ZPBP: variants seen among roughly 807,000 people sequenced by gnomAD.
ZPBP encodes zona pellucida binding protein, also known as zona pellucida-binding protein 1.
In ZPBP, 26 loss-of-function variants were observed where a neutral mutation model predicts 44.8. The observed-to-expected ratio is 0.58, with a 90% CI of 0.43 to 0.81. The LOEUF (loss-of-function observed/expected upper bound fraction) is 0.81. ZPBP is among the 30% of genes least tolerant of loss of function. The pLI is 0.00. For missense variants in ZPBP, 409 were observed against 434.0 expected, an observed-to-expected ratio of 0.94 and a Z score of 0.51; for synonymous variants, 174 against 153.2, an observed-to-expected ratio of 1.14 and a Z score of -1.00.
intron 7 of ZPBP, among the ~76,000 whole-genome samples, chr7:49,950,015 A>G (rs1795268713): frequency 6.6e-6 from 1 of 151,908 alleles, no homozygotes; most frequent in Non-Finnish European, 1.5e-5. Context: ...TTAGATAAAG[A>G]CCTTTAAGAA....
At chr7:49,957,574 GGT>G (rs1372946649) in intron 7 of ZPBP, among the ~76,000 whole-genome samples, 1 of 152,308 alleles carries the variant, frequency 6.6e-6, no homozygotes, top group East Asian at 1.9e-4. Flanking sequence ...AACAAATCTT[GGT>G]GGTGTCCAAG....
intron 1 of ZPBP, among the ~76,000 whole-genome samples, chr7:49,925,447 CA>C (rs1455575944): frequency 6.6e-6 from 1 of 152,160 alleles, no homozygotes; most frequent in African/African-American, 2.4e-5. Flanking sequence ...CCTGGGAAAG[CA>C]GGTGTCCATG....
intron 7 of ZPBP, among the ~76,000 whole-genome samples, chr7:49,980,297 A>T (rs1215799613): frequency 4.5e-4 from 14 of 30,824 alleles, no homozygotes; most frequent in East Asian, 3.0e-3. Flanking sequence ...ATAAATATAT[A>T]ATATATATAA....
chr7:49,863,537 T>A (rs1790752701), intron 2 of ZPBP, among the ~76,000 whole-genome samples: 1 of 152,136 alleles, frequency 6.6e-6, no homozygotes, highest in African/African-American at 2.4e-5. Context: ...GCTCAAGCGA[T>A]CCTCCTGCCT....
intron 7 of ZPBP, among the ~76,000 whole-genome samples, chr7:49,957,160 A>G (rs771084723): frequency 2.0e-5 from 3 of 152,142 alleles, no homozygotes; most frequent in Non-Finnish European, 4.4e-5. Context: ...GAAGGCCCTC[A>G]CCAGATGTCA....
At chr7:49,888,163 T>C (rs764416249) in intron 2 of ZPBP, among the ~76,000 whole-genome samples, 2 of 152,188 alleles carry the variant, frequency 1.3e-5, no homozygotes, top group Non-Finnish European at 2.9e-5. Context: ...TGGCAATTAT[T>C]TTTTTCTGGA....
intron 7 of ZPBP, among the ~76,000 whole-genome samples, chr7:49,966,673 G>A (rs1258280616): frequency 6.6e-6 from 1 of 152,130 alleles, no homozygotes; most frequent in Non-Finnish European, 1.5e-5. Context: ...TGAATGTTGT[G>A]AGGTCCAACG....
chr7:49,980,000 A>G (rs930220233), intron 7 of ZPBP, among the ~76,000 whole-genome samples: 1 of 96,828 alleles, frequency 1.0e-5, no homozygotes, highest in Non-Finnish European at 1.8e-5. Context: ...TTTATATTAT[A>G]TATTATATAT....
intron 5 of ZPBP, among the ~76,000 whole-genome samples, chr7:50,023,316 G>A (rs1409967231): frequency 1.3e-5 from 2 of 151,934 alleles, no homozygotes. Context: ...CCCCATACAT[G>A]CATACATTAC....
intron 1 of ZPBP, 176 bp downstream of exon 1, chr7:50,092,892 C>A: frequency 2.1e-6 from 2 of 959,064 alleles, no homozygotes; most frequent in Non-Finnish European, 2.9e-6. Context: ...CTCCTCTATG[C>A]AAATGCAGAG....
At chr7:49,881,561 G>A (rs1791665419) in intron 2 of ZPBP, among the ~76,000 whole-genome samples, 1 of 152,136 alleles carries the variant, frequency 6.6e-6, no homozygotes, top group Non-Finnish European at 1.5e-5. Flanking sequence ...CAAGATATGT[G>A]TTATTAGCCC....
rs188913292 is a variant in ZPBP, at chr7:49,967,336, A to C, written c.961+16006T>G. ...AATCTTATGCATATCCCAATCTTTT[A>C]ATTTGGAAGCAGGTACCTTGTTTTC... On this transcript the variant is annotated intron_variant, in intron 7 of 7. Transcript: ENST00000046087. Among the ~76,000 whole-genome samples, 11 of 152,260 alleles carry C rather than the reference A, an allele frequency of 7.2e-5. 1 individual carries two copies. The highest frequency in any genetic ancestry group is 6.8e-3 in the Middle Eastern group (2 of 294).
chr7:50,090,899 T>C (rs971730022), intron 1 of ZPBP, among the ~76,000 whole-genome samples: 8 of 152,156 alleles, frequency 5.3e-5, no homozygotes, highest in African/African-American at 1.2e-4. Context: ...CAATTTTCCA[T>C]AGTGGTTGTA....
intron 6 of ZPBP, among the ~76,000 whole-genome samples, chr7:49,992,484 G>A (rs1797616258): frequency 6.6e-6 from 1 of 152,026 alleles, no homozygotes; most frequent in Non-Finnish European, 1.5e-5. Flanking sequence ...TTTAGCAGCA[G>A]ATTAGACCTA....
intron 2 of ZPBP, among the ~76,000 whole-genome samples, chr7:49,887,702 C>G (rs1003719672): frequency 6.7e-5 from 10 of 148,946 alleles, no homozygotes; most frequent in South Asian, 2.1e-4. Context: ...CATCCCGGGG[C>G]CCAGCTCAAA....
chr7:49,844,140 T>G, the ZPBP span, among the ~76,000 whole-genome samples: 1 of 152,150 alleles, frequency 6.6e-6, no homozygotes, highest in African/African-American at 2.4e-5. Flanking sequence ...CTAAGGTGTG[T>G]TTGGACCGCA....
At position 49,982,947 on chromosome 7, in the gene ZPBP, T is replaced by C. The variant is rs572178638; in HGVS notation, c.961+395A>G. 4.6e-5 allele frequency among the ~76,000 whole-genome samples: 7 copies of C among 152,200 alleles called. No individual in the cohort carries two copies. In the South Asian group the frequency reaches 1.0e-3, roughly 23 times the overall value. On this transcript the variant is annotated intron_variant, in intron 7 of 7. Transcript: ENST00000046087. ...ACAATTGGTAATAAAACAATTCATA[T>C]ACTTATTTCACAAGGAAGGAAAAAG...
At chr7:50,082,064 C>T (rs1802388040) in intron 2 of ZPBP, among the ~76,000 whole-genome samples, 165 bp from the exon 3 acceptor site, 1 of 151,726 alleles carries the variant, frequency 6.6e-6, no homozygotes, top group Non-Finnish European at 1.5e-5. Flanking sequence ...ATGCAATTAA[C>T]ATTAAAAATA....
intron 3 of ZPBP, among the ~76,000 whole-genome samples, chr7:50,062,126 A>G (rs1186024265): frequency 6.6e-6 from 1 of 152,202 alleles, no homozygotes; most frequent in Non-Finnish European, 1.5e-5. Flanking sequence ...AGGGAGGTGA[A>G]CGATCTCTAC....
Sources: gnomAD v4.1 joint callset for allele counts (sites outside exome capture counted in the v4.1 genomes callset) on GRCh38, gnomAD v4.1.1 for gene constraint, MANE v1.5 for transcripts, NCBI Gene and HGNC (gene_info 2026-07-23, HGNC 2026-07-21) for gene names.